The following ADAP1 variants were observed in gnomAD, a reference collection of about 807,000 sequenced individuals.
The protein encoded by ADAP1 is arf-GAP with dual PH domain-containing protein 1.
ADAP1 carries 31 observed loss-of-function variants against 54.9 expected under a neutral mutation model. The ratio of observed to expected loss-of-function variants is 0.56; its 90% CI spans 0.42 to 0.76. ADAP1 has a LOEUF of 0.76. Among genes scored for constraint, ADAP1 ranks in the 30% least tolerant of loss-of-function variants. The pLI, the probability that ADAP1 is intolerant of heterozygous loss-of-function variation, is 0.00. For synonymous variants in ADAP1, 313 were observed against 202.6 expected, an observed-to-expected ratio of 1.55 and a Z score of -4.63; for missense variants, 535 against 512.4, an observed-to-expected ratio of 1.04 and a Z score of -0.42.
At chr7:953,507 C>T (rs1308440583) in intron 1 of ADAP1, among the ~76,000 whole-genome samples, 1 of 152,210 alleles carries the variant, frequency 6.6e-6, no homozygotes, top group Non-Finnish European at 1.5e-5. Flanking sequence ...GCCTCAGTCA[C>T]CGCCGGTGAG....
intron 4 of ADAP1, among the ~76,000 whole-genome samples, chr7:907,776 C>T (rs1450545083): frequency 1.3e-5 from 2 of 152,222 alleles, no homozygotes; most frequent in East Asian, 1.9e-4. Flanking sequence ...CAGGTCCCGC[C>T]GTTGGCAGCA....
intron 6 of ADAP1, chr7:901,259 T>C: frequency 2.8e-6 from 1 of 352,868 alleles, no homozygotes; most frequent in South Asian, 2.2e-5. Context: ...GGCTGTCCCC[T>C]GCCCCTAGAC....
intron 6 of ADAP1, chr7:900,874 AAG>A: frequency 8.1e-6 from 5 of 616,324 alleles, no homozygotes; most frequent in South Asian, 6.1e-5. Flanking sequence ...AGAAGGGCCG[AAG>A]GGCCGAAGGG....
chr7:906,685 C>A (rs1219961616), intron 4 of ADAP1, among the ~76,000 whole-genome samples: 728 of 48,816 alleles, frequency 0.015, 52 homozygotes, highest in East Asian at 0.054. Flanking sequence ...GGACAGGGGA[C>A]ACGGGGGACA....
At chr7:909,866 G>A (rs1311162428) in intron 4 of ADAP1, among the ~76,000 whole-genome samples, 2 of 152,028 alleles carry the variant, frequency 1.3e-5, no homozygotes, top group Admixed American at 6.6e-5. Flanking sequence ...GGTGGGGGGG[G>A]TTCTACTGCA....
At chr7:944,735 CT>C (rs1403382310) in intron 1 of ADAP1, among the ~76,000 whole-genome samples, 2 of 152,190 alleles carry the variant, frequency 1.3e-5, no homozygotes, top group African/African-American at 2.4e-5. Context: ...CAATTACACT[CT>C]TTTAGTCATT....
At chr7:918,496 G>A (rs890259229) in intron 4 of ADAP1, among the ~76,000 whole-genome samples, 10 of 152,112 alleles carry the variant, frequency 6.6e-5, no homozygotes, top group Admixed American at 1.3e-4. Flanking sequence ...CCTGAGACAC[G>A]GCTCCCGACC....
Position 930,944 on chromosome 7 carries a change from C to T in ADAP1, c.214-4300G>A, listed in dbSNP as rs146530243. 4.9e-3 allele frequency among the ~76,000 whole-genome samples: 690 copies of T among 139,916 alleles called. 6 individuals carry two copies. The highest frequency in any genetic ancestry group is 0.023 in the Middle Eastern group (6 of 256). The allele number at this position is 139,916 out of a possible 152,430, so 91.8% of individuals were successfully genotyped here. A position where few individuals can be genotyped will look rare whatever the true frequency, so the allele number is the denominator to read the frequency against. ...TTAGTGAGCTATGATAGTGCCACTG[C>T]ATTCCAGCCTGGGCGACAGAGTCAG... On this transcript the variant is annotated intron_variant, in intron 2 of 10. Coordinates refer to ENST00000265846, the MANE Select transcript of ADAP1 (RefSeq NM_006869.4).
At chr7:929,820 A>G (rs13438361) in intron 2 of ADAP1, among the ~76,000 whole-genome samples, 3,759 of 152,056 alleles carry the variant, frequency 0.025, 99 homozygotes, top group East Asian at 0.12. Context: ...AATAACCTTC[A>G]GGGTTGGGTG....
intron 6 of ADAP1, among the ~76,000 whole-genome samples, chr7:901,967 C>G (rs140177875): frequency 1.6e-3 from 250 of 152,204 alleles, no homozygotes; most frequent in African/African-American, 5.7e-3. Flanking sequence ...GGAGCCGACT[C>G]TGGGGCTCCG....
intron 4 of ADAP1, among the ~76,000 whole-genome samples, chr7:906,489 A>AG (rs1186715726): frequency 1.7e-3 from 48 of 27,724 alleles, no homozygotes; most frequent in African/African-American, 5.5e-3. Context: ...GAAAGGAGAA[A>AG]GGGAAAGGAG....
At chr7:919,694 T>G (rs568152204) in intron 4 of ADAP1, among the ~76,000 whole-genome samples, 6 of 38,262 alleles carry the variant, frequency 1.6e-4, no homozygotes, top group South Asian at 2.1e-3. Flanking sequence ...GAGAGAGAGA[T>G]AAAGACAGGG....
rs557490944 is a variant in ADAP1 at position 911,302 on chromosome 7, C to T, written c.389-6130G>A. 2.6e-5 allele frequency among the ~76,000 whole-genome samples: 4 copies of T among 151,720 alleles called. No individual in the cohort carries two copies. The South Asian group carries it at 8.3e-4, about 32-fold the overall frequency. On this transcript the variant is annotated intron_variant, in intron 4 of 10. Coordinates refer to ENST00000265846, the MANE Select transcript of ADAP1 (RefSeq NM_006869.4). ...CCGGCCCCCGACAGGCCTGGAGAGA[C>T]CCCCCCACTCACACACGGGTTCACA...
chr7:904,942 T>G, intron 5 of ADAP1, 118 bp downstream of exon 5: 3 of 859,374 alleles, frequency 3.5e-6, no homozygotes, highest in Non-Finnish European at 5.6e-6. Flanking sequence ...AGCGTCCCCA[T>G]CGGGGGGGGC....
At chr7:944,974 G>A (rs949957068) in intron 1 of ADAP1, among the ~76,000 whole-genome samples, 6 of 152,280 alleles carry the variant, frequency 3.9e-5, no homozygotes, top group African/African-American at 1.4e-4. Context: ...GACCTCGGAA[G>A]CCCTTGAAGG....
At chr7:927,995 C>A (rs1000475825) in intron 2 of ADAP1, among the ~76,000 whole-genome samples, 1 of 151,318 alleles carries the variant, frequency 6.6e-6, no homozygotes, top group Non-Finnish European at 1.5e-5. Flanking sequence ...GTGGGAGGAC[C>A]CCTTGAGCCC....
At chr7:905,237 G>T (rs10243781) in intron 4 of ADAP1, 65 bp from the exon 5 acceptor site, 3 of 1,225,346 alleles carry the variant, frequency 2.4e-6, no homozygotes, top group African/African-American at 2.0e-5. Context: ...AAGGAGTGAC[G>T]ATGGACAGGA....
chr7:951,393 A>C (rs1847268894), intron 1 of ADAP1, among the ~76,000 whole-genome samples: 1 of 150,430 alleles, frequency 6.6e-6, no homozygotes, highest in Non-Finnish European at 1.5e-5. Context: ...AAAAATATCC[A>C]ACCTAGTTGG....
intron 5 of ADAP1, 145 bp from the exon 6 acceptor site, chr7:904,417 C>T (rs1844988408): frequency 2.9e-6 from 3 of 1,033,528 alleles, no homozygotes; most frequent in East Asian, 5.6e-5. Flanking sequence ...TGAGCCTTGG[C>T]CTCCCGGTCT....
Sources: gnomAD v4.1 joint callset for allele counts (sites outside exome capture counted in the v4.1 genomes callset) on GRCh38, gnomAD v4.1.1 for gene constraint, MANE v1.5 for transcripts, NCBI Gene and HGNC (gene_info 2026-07-23, HGNC 2026-07-21) for gene names.